The following PIKFYVE variants were observed in gnomAD, a reference collection of about 807,000 sequenced individuals.
PIKFYVE encodes the protein 1-phosphatidylinositol 3-phosphate 5-kinase.
A neutral mutation model predicts 257.9 loss-of-function variants in PIKFYVE; 122 were observed. The observed-to-expected ratio is 0.47, with a 90% CI of 0.41 to 0.55. The LOEUF (loss-of-function observed/expected upper bound fraction) is 0.55. Ranked by LOEUF, PIKFYVE falls within the 20% of genes least tolerant of loss-of-function variation. PIKFYVE has a pLI of 0.00. For synonymous variants in PIKFYVE, 892 were observed against 868.9 expected, an observed-to-expected ratio of 1.03 and a Z score of -0.47; for missense variants, 2,160 against 2,536.6, an observed-to-expected ratio of 0.85 and a Z score of 3.19.
rs1695244422 is a variant in PIKFYVE at position 208,314,362 on chromosome 2, C to T, written c.1765C>T (p.His589Tyr). The T allele has an allele frequency of 3.1e-6, 5 of 1,613,948 alleles. No homozygotes were observed. The East Asian group carries it at 1.1e-4, about 36-fold the overall frequency. ...GCCTTTCACACCTTTGGGCTGGCAT[C>T]ATAACAACCTGGAGCTCCTGAGGGA... is the stretch of plus-strand genomic sequence containing the variant. ...ELPFTPLGWH[H>Y]NNLELLREEN... is the part of the protein sequence containing the mutation. The change falls in exon 14 of 42, where the codon CAT becomes TAT. Residue 589 changes from histidine to tyrosine, a missense_variant. This residue lies in a region of PIKFYVE where 346 missense variants were observed against 365.6 expected (regional missense o/e 0.95). Coordinates refer to ENST00000264380, the MANE Select transcript of PIKFYVE (RefSeq NM_015040.4).
At chr2:208,302,583 A>G in intron 10 of PIKFYVE, 1 of 502,354 alleles carries the variant, frequency 2.0e-6, no homozygotes, top group Non-Finnish European at 3.6e-6. Context: ...ACAATAAAAA[A>G]GGAAAAAGAT....
rs200381603 is a variant in PIKFYVE at position 208,325,446 on chromosome 2, A to G, written c.2635A>G (p.Met879Val). Residue 879 changes from methionine to valine, a missense_variant, in exon 20 of 42, where the codon ATG (methionine) becomes GTG (valine). This residue lies in a region of PIKFYVE where 522 missense variants were observed against 514.6 expected (regional missense o/e 1.01). Transcript: ENST00000264380. ...ATCCTTTCTCATGGATGAATTTGCT[A>G]TGCCTCCCACATTAATGCAAAACCC... ...EISFLMDEFA[M>V]PPTLMQNPSF... is the part of the protein sequence containing the mutation. 626 of 1,614,040 alleles carry G rather than the reference A, an allele frequency of 3.9e-4. 2 individuals carry two copies. The highest frequency in any genetic ancestry group is 2.0e-4 in the Non-Finnish European group (234 of 1,180,030).
At chr2:208,278,639 G>A (rs970091350) in intron 5 of PIKFYVE, among the ~76,000 whole-genome samples, 2 of 152,026 alleles carry the variant, frequency 1.3e-5, no homozygotes, top group African/African-American at 4.8e-5. Context: ...GCTCCCACTT[G>A]TAAGTGAGAG....
chr2:208,289,087 G>T (rs939590937), intron 7 of PIKFYVE, among the ~76,000 whole-genome samples: 12 of 152,168 alleles, frequency 7.9e-5, no homozygotes, highest in Admixed American at 4.6e-4. Context: ...GTGAGGGAAG[G>T]AGCCATGTGG....
intron 31 of PIKFYVE, among the ~76,000 whole-genome samples, chr2:208,340,719 C>G (rs1574713912): frequency 6.6e-6 from 1 of 152,112 alleles, no homozygotes; most frequent in South Asian, 2.1e-4. Context: ...TATTAACTGA[C>G]TTACATATTT....
intron 13 of PIKFYVE, among the ~76,000 whole-genome samples, chr2:208,313,947 G>T (rs919758374): frequency 2.6e-5 from 4 of 152,144 alleles, no homozygotes; most frequent in Non-Finnish European, 5.9e-5. Flanking sequence ...AGAAGCAAAA[G>T]TTTCATTTTA....
chr2:208,313,604 A>G (rs1248678712), intron 13 of PIKFYVE, among the ~76,000 whole-genome samples: 6 of 134,354 alleles, frequency 4.5e-5, no homozygotes, highest in Non-Finnish European at 9.3e-5. Context: ...TTTTTTTGAG[A>G]TGGAGTCTCG....
intron 12 of PIKFYVE, among the ~76,000 whole-genome samples, chr2:208,311,333 G>T (rs933182499): frequency 2.4e-4 from 36 of 152,122 alleles, no homozygotes; most frequent in African/African-American, 8.4e-4. Flanking sequence ...TAGTGCACTT[G>T]AACTTTCTAA....
intron 13 of PIKFYVE, among the ~76,000 whole-genome samples, chr2:208,314,063 CTCT>C (rs1259519889): frequency 6.6e-6 from 1 of 152,170 alleles, no homozygotes; most frequent in Non-Finnish European, 1.5e-5. Context: ...CCAATTACTG[CTCT>C]TCTTAATTCT....
In PIKFYVE at chr2:208,335,287, C is replaced by A; in HGVS notation, c.4143-19C>A. On this transcript the variant is annotated intron_variant, in intron 24 of 41. Transcript: ENST00000264380. Reference sequence around the variant, plus strand: ...AAGCTATTTTTCATTTTCTATTGGTCCTTGTATTTTCTTCTCAGTTATTCT... The same window carrying A: ...AAGCTATTTTTCATTTTCTATTGGTACTTGTATTTTCTTCTCAGTTATTCT... 6.7e-7 allele frequency: 1 copy of A among 1,483,946 alleles called. No homozygotes were observed. Among genetic ancestry groups the A allele is most frequent in the Non-Finnish European group, 9.4e-7 (1 of 1,061,904 alleles). The allele number at this position is 1,483,946 out of a possible 1,614,324, so 91.9% of individuals were successfully genotyped here.
chr2:208,273,742 G>A lies in PIKFYVE; in HGVS notation c.322+9G>A, dbSNP rs781738920. 3 of 1,614,000 alleles carry A rather than the reference G, an allele frequency of 1.9e-6. No individual in the cohort carries two copies. In the East Asian group the frequency reaches 6.7e-5, roughly 36 times the overall value. ...GCGCTCTTCAGCATTAGGTAAAACA[G>A]TGTTCTTATTTCATTCCCTTCTATA... On this transcript the variant is annotated intron_variant, in intron 3 of 41. Transcript: ENST00000264380.
chr2:208,299,122 A>C (rs1447063025), intron 8 of PIKFYVE, among the ~76,000 whole-genome samples: 2 of 152,114 alleles, frequency 1.3e-5, no homozygotes, highest in Non-Finnish European at 2.9e-5. Flanking sequence ...TACAGGTGTG[A>C]GCCACTGCAC....
intron 1 of PIKFYVE, among the ~76,000 whole-genome samples, chr2:208,268,497 A>G (rs184139815): frequency 8.2e-5 from 12 of 146,656 alleles, no homozygotes; most frequent in African/African-American, 3.1e-4. Flanking sequence ...GCTGGTCTGG[A>G]ACTCCTGGCC....
chr2:208,304,745 TA>T (rs1694111830), intron 11 of PIKFYVE, 100 bp from the exon 12 acceptor site: 6 of 1,163,106 alleles, frequency 5.2e-6, no homozygotes, highest in South Asian at 5.0e-5. Flanking sequence ...TGGGCTTGTA[TA>T]TTAAAAAAAC....
Position 208,338,411 on chromosome 2 carries a change from T to C in PIKFYVE, c.4612-97T>C. ...GTAATTTTTTAACGGTATAAATGGG[T>C]CCTGAGACCAAAAAGTTTAAGATTC... On this transcript the variant is annotated intron_variant, in intron 28 of 41. Coordinates refer to ENST00000264380, the MANE Select transcript of PIKFYVE (RefSeq NM_015040.4). 6.6e-6 allele frequency: 7 copies of C among 1,059,398 alleles called. 1 individual carries two copies. In the South Asian group the frequency reaches 9.3e-5, roughly 14 times the overall value. 65.6% of individuals were successfully genotyped at this position (1,059,398 alleles called of 1,614,324 possible). A position where few individuals can be genotyped will look rare whatever the true frequency, so the allele number is the denominator to read the frequency against.
At chr2:208,332,347 T>C (rs1697641051) in intron 23 of PIKFYVE, among the ~76,000 whole-genome samples, 1 of 152,198 alleles carries the variant, frequency 6.6e-6, no homozygotes, top group Non-Finnish European at 1.5e-5. Context: ...TTGATATTCT[T>C]AAATATTGTT....
intron 17 of PIKFYVE, among the ~76,000 whole-genome samples, chr2:208,322,698 T>C (rs1484940130): frequency 6.6e-6 from 1 of 151,370 alleles, no homozygotes; most frequent in East Asian, 1.9e-4. Context: ...TATATATATA[T>C]ATATTTTTTT....
At chr2:208,302,650 T>C in intron 10 of PIKFYVE, 1 of 365,244 alleles carries the variant, frequency 2.7e-6, no homozygotes, top group South Asian at 2.4e-5. Context: ...TTATGGTCTT[T>C]ATAGTTGCTT....
intron 24 of PIKFYVE, among the ~76,000 whole-genome samples, chr2:208,334,181 T>G (rs1697871809): frequency 6.6e-6 from 1 of 152,218 alleles, no homozygotes; most frequent in South Asian, 2.1e-4. Flanking sequence ...CCACTACCAC[T>G]TTGGGCTGAG....
Sources: gnomAD v4.1 joint callset for allele counts (sites outside exome capture counted in the v4.1 genomes callset) on GRCh38, gnomAD v4.1.1 for gene constraint, gnomAD v4.1.1 regional missense constraint, MANE v1.5 for transcripts, NCBI Gene and HGNC (gene_info 2026-07-23, HGNC 2026-07-21) for gene names.